DYNC1LI1: variants seen among roughly 807,000 people sequenced by gnomAD.
DYNC1LI1 encodes the protein dynein cytoplasmic 1 light intermediate chain 1.
A neutral mutation model predicts 63.8 loss-of-function variants in DYNC1LI1; 19 were observed. The observed-to-expected ratio is 0.30, with a 90% CI of 0.21 to 0.44. DYNC1LI1 has a LOEUF of 0.44. Ranked by LOEUF, DYNC1LI1 falls within the 20% of genes least tolerant of loss-of-function variation. DYNC1LI1 has a pLI of 1.00. For synonymous variants in DYNC1LI1, 225 were observed against 232.3 expected, an observed-to-expected ratio of 0.97 and a Z score of 0.28; for missense variants, 565 against 630.2, an observed-to-expected ratio of 0.90 and a Z score of 1.11.
chr3:32,545,527 T>C, intron 3 of DYNC1LI1: 1 of 343,136 alleles, frequency 2.9e-6, no homozygotes, highest in South Asian at 3.8e-5. Flanking sequence ...GATAATATTT[T>C]TATCAGAAAA....
Position 32,526,606 on chromosome 3 carries a change from T to G in DYNC1LI1, c.*193A>C, listed in dbSNP as rs1284654216. On this transcript the variant is annotated 3_prime_UTR_variant, in exon 13 of 13. Transcript: ENST00000273130. ...CAATGCAAACAGCAATCCTACATAA[T>G]GTAGAATAATTTTTCTTCTGTACGG... 2.2e-6 allele frequency: 1 copy of G among 456,364 alleles called. No individual in the cohort carries two copies. The highest frequency in any genetic ancestry group is 1.9e-5 in the African/African-American group (1 of 51,388). The allele number at this position is 456,364 out of a possible 1,614,324, so 28.3% of individuals were successfully genotyped here.
At chr3:32,543,398 CTTT>C (rs968681360) in intron 4 of DYNC1LI1, among the ~76,000 whole-genome samples, 6 of 127,472 alleles carry the variant, frequency 4.7e-5, no homozygotes, top group Non-Finnish European at 6.6e-5. Flanking sequence ...TATTTCCTTT[CTTT>C]TTTTTTTTTT....
intron 2 of DYNC1LI1, among the ~76,000 whole-genome samples, chr3:32,551,501 AG>A (rs1460482203): frequency 1.7e-4 from 26 of 152,338 alleles, no homozygotes; most frequent in African/African-American, 5.8e-4. Context: ...ACTATTCTGA[AG>A]ATGAGGAACC....
intron 2 of DYNC1LI1, among the ~76,000 whole-genome samples, chr3:32,546,591 A>T (rs1218125594): frequency 6.6e-6 from 1 of 152,108 alleles, no homozygotes; most frequent in Non-Finnish European, 1.5e-5. Flanking sequence ...TCCCAGTTTA[A>T]TCTACAAGGA....
chr3:32,551,253 A>G (rs1005868255), intron 2 of DYNC1LI1, among the ~76,000 whole-genome samples: 1 of 152,190 alleles, frequency 6.6e-6, no homozygotes, highest in Non-Finnish European at 1.5e-5. Flanking sequence ...AGAAAAGGTA[A>G]CGCTTTAGTC....
intron 2 of DYNC1LI1, among the ~76,000 whole-genome samples, chr3:32,553,495 TGA>T (rs1158567584): frequency 6.6e-6 from 1 of 152,202 alleles, no homozygotes; most frequent in Non-Finnish European, 1.5e-5. Context: ...TGTATATTAA[TGA>T]GTTTGAAATG....
intron 12 of DYNC1LI1, among the ~76,000 whole-genome samples, 183 bp downstream of exon 12, chr3:32,528,263 G>T (rs1163155312): frequency 6.6e-6 from 1 of 151,744 alleles, no homozygotes. Context: ...ACAGAGGAAA[G>T]AGAGAAGGTT....
intron 2 of DYNC1LI1, among the ~76,000 whole-genome samples, chr3:32,558,403 T>TAAAAAAAAAAAAAA (rs533076265): frequency 2.2e-5 from 2 of 90,390 alleles, no homozygotes; most frequent in Admixed American, 1.3e-4. Flanking sequence ...TTTAAAAATG[T>TAAAAAAAAAAAAAA]AAAAAAAAAA....
chr3:32,536,700 TAC>T (rs1371185603), intron 6 of DYNC1LI1, among the ~76,000 whole-genome samples: 5 of 152,116 alleles, frequency 3.3e-5, no homozygotes, highest in African/African-American at 4.8e-5. Flanking sequence ...CACCAATAAA[TAC>T]AGTTTTTTAA....
intron 2 of DYNC1LI1, among the ~76,000 whole-genome samples, chr3:32,547,527 G>A (rs756831924): frequency 6.6e-6 from 1 of 152,108 alleles, no homozygotes; most frequent in Non-Finnish European, 1.5e-5. Flanking sequence ...CAAGATTGCA[G>A]TGCCCACCTC....
In DYNC1LI1 at chr3:32,544,587, G is replaced by A. The variant is rs4473593; in HGVS notation, c.568+289C>T. 6.3e-3 allele frequency among the ~76,000 whole-genome samples: 962 copies of A among 152,140 alleles called. 4 individuals are homozygous for A. The highest frequency in any genetic ancestry group is 0.022 in the African/African-American group (917 of 41,504). On this transcript the variant is annotated intron_variant, in intron 4 of 12. Transcript: ENST00000273130. ...GTGCGAGACCAGCCTGGCCAATATGGTGAAACCCCGTCTCTACTAAAAATA... is the reference window on the plus strand; with the variant it reads ...GTGCGAGACCAGCCTGGCCAATATGATGAAACCCCGTCTCTACTAAAAATA...
intron 2 of DYNC1LI1, among the ~76,000 whole-genome samples, chr3:32,549,968 T>G (rs915800498): frequency 2.6e-5 from 4 of 152,176 alleles, no homozygotes; most frequent in African/African-American, 7.2e-5. Context: ...AGCAAAAGAA[T>G]AGAAATCATA....
At chr3:32,539,957 C>T (rs1575151684) in intron 5 of DYNC1LI1, among the ~76,000 whole-genome samples, 1 of 151,604 alleles carries the variant, frequency 6.6e-6, no homozygotes, top group African/African-American at 2.4e-5. Context: ...CTCCACCTCC[C>T]GAGTACATGC....
chr3:32,544,127 C>T (rs1387060149), intron 4 of DYNC1LI1, among the ~76,000 whole-genome samples: 1 of 152,066 alleles, frequency 6.6e-6, no homozygotes, highest in Non-Finnish European at 1.5e-5. Context: ...ATACAATTTT[C>T]ATAATTCCCA....
At chr3:32,557,764 C>T (rs775356672) in intron 2 of DYNC1LI1, among the ~76,000 whole-genome samples, 10 of 151,904 alleles carry the variant, frequency 6.6e-5, no homozygotes, top group Non-Finnish European at 1.3e-4. Flanking sequence ...TGAAATAATC[C>T]AGCTACCTAT....
chr3:32,545,424 T>TA (rs1697939215), intron 3 of DYNC1LI1: 2 of 394,528 alleles, frequency 5.1e-6, no homozygotes, highest in South Asian at 3.1e-5. Context: ...CATCAGCAGA[T>TA]AGAGATATGC....
intron 4 of DYNC1LI1, 22 bp downstream of exon 4, chr3:32,544,854 T>C (rs146648720): frequency 1.3e-6 from 2 of 1,521,374 alleles, no homozygotes; most frequent in Admixed American, 1.7e-5. Flanking sequence ...GAAACCTACA[T>C]TACTGTTTCT....
At chr3:32,533,760 C>T (rs1466981818) in intron 7 of DYNC1LI1, among the ~76,000 whole-genome samples, 1 of 151,536 alleles carries the variant, frequency 6.6e-6, no homozygotes, top group Non-Finnish European at 1.5e-5. Flanking sequence ...TGGGGTCTCA[C>T]GATGTTGCTC....
chr3:32,567,311 T>C (rs1159624488), intron 2 of DYNC1LI1, among the ~76,000 whole-genome samples: 1 of 152,126 alleles, frequency 6.6e-6, no homozygotes, highest in South Asian at 2.1e-4. Context: ...GAGATTTGTA[T>C]GAAAATCCTT....
Sources: gnomAD v4.1 joint callset for allele counts (sites outside exome capture counted in the v4.1 genomes callset) on GRCh38, gnomAD v4.1.1 for gene constraint, MANE v1.5 for transcripts, NCBI Gene and HGNC (gene_info 2026-07-23, HGNC 2026-07-21) for gene names.